The following ADAMTSL3 variants were observed in gnomAD, a reference collection of about 807,000 sequenced individuals.
The protein encoded by ADAMTSL3 is ADAMTS like 3.
Under a neutral mutation model 201.7 loss-of-function variants are expected in ADAMTSL3, and 128 were observed. The observed-to-expected ratio is 0.63, with a 90% CI of 0.55 to 0.73. The LOEUF (loss-of-function observed/expected upper bound fraction) is 0.73. ADAMTSL3 is among the 30% of genes least tolerant of loss of function. The pLI, the probability that ADAMTSL3 is intolerant of heterozygous loss-of-function variation, is 0.00. For synonymous variants in ADAMTSL3, 738 were observed against 748.4 expected (o/e 0.99, Z 0.23); for missense variants, 1,990 against 2,119.6 (o/e 0.94, Z 1.20).
intron 3 of ADAMTSL3, among the ~76,000 whole-genome samples, chr15:83,771,774 T>C (rs1234440642): frequency 1.3e-5 from 2 of 152,256 alleles, no homozygotes; most frequent in Admixed American, 1.3e-4. Flanking sequence ...TTCAGTTCTT[T>C]TGGATAAATA....
intron 6 of ADAMTSL3, among the ~76,000 whole-genome samples, chr15:83,825,389 T>A (rs117138192): frequency 0.031 from 4,752 of 152,214 alleles, 100 homozygotes; most frequent in Non-Finnish European, 0.049. Context: ...GACAGGAGAG[T>A]TCGTTAAGCC....
At chr15:83,743,056 C>T (rs2062481586) in intron 3 of ADAMTSL3, among the ~76,000 whole-genome samples, 1 of 152,072 alleles carries the variant, frequency 6.6e-6, no homozygotes, top group Non-Finnish European at 1.5e-5. Context: ...ATATCTAGTA[C>T]TTACATTCCT....
intron 23 of ADAMTSL3, among the ~76,000 whole-genome samples, chr15:84,012,894 C>G (rs1310737844): frequency 6.6e-6 from 1 of 152,226 alleles, no homozygotes; most frequent in East Asian, 1.9e-4. Context: ...ATTCCTTTCA[C>G]AGACGACACA....
intron 19 of ADAMTSL3, among the ~76,000 whole-genome samples, chr15:83,956,468 A>G (rs2066863413): frequency 6.6e-6 from 1 of 152,078 alleles, no homozygotes; most frequent in Admixed American, 6.5e-5. Flanking sequence ...TGGTAGTGGG[A>G]GTAGGGGGAT....
At chr15:83,738,993 A>G (rs1049988512) in intron 3 of ADAMTSL3, among the ~76,000 whole-genome samples, 70 of 151,894 alleles carry the variant, frequency 4.6e-4, no homozygotes, top group African/African-American at 1.4e-3. Flanking sequence ...GATCATTTCA[A>G]CAAAATGCAG....
At position 83,691,735 on chromosome 15, in the gene ADAMTSL3, C is replaced by G. The variant is rs556012136; in HGVS notation, c.70-12654C>G. ...GTTCAAGTGATTCTCCTGCCTCAGC[C>G]TCCCGAGTAGCTGGGATTACAGGCG... On this transcript the variant is annotated intron_variant, in intron 2 of 29. Transcript: ENST00000286744. 4.5e-3 allele frequency among the ~76,000 whole-genome samples: 692 copies of G among 152,316 alleles called. 2 individuals are homozygous for G. Among genetic ancestry groups the G allele is most frequent in the Non-Finnish European group, 7.9e-3 (540 of 68,030 alleles).
intron 28 of ADAMTSL3, among the ~76,000 whole-genome samples, chr15:84,032,688 C>T (rs188397634): frequency 6.6e-6 from 1 of 152,228 alleles, no homozygotes; most frequent in East Asian, 1.9e-4. Context: ...TAATTTTGTA[C>T]TTAATACTCT....
At chr15:83,724,914 A>G (rs2062151317) in intron 3 of ADAMTSL3, among the ~76,000 whole-genome samples, 1 of 151,998 alleles carries the variant, frequency 6.6e-6, no homozygotes, top group African/African-American at 2.4e-5. Flanking sequence ...AGAGTACTCC[A>G]TTGTGTATAT....
intron 23 of ADAMTSL3, among the ~76,000 whole-genome samples, chr15:83,995,048 C>CT (rs1452486280): frequency 1.1e-4 from 17 of 152,098 alleles, no homozygotes; most frequent in Non-Finnish European, 2.4e-4. Context: ...ACATATGTGA[C>CT]TTATTAGAGT....
rs190817634 is a variant in ADAMTSL3, at chr15:83,772,515, C to A, written c.190-1008C>A. Among the ~76,000 whole-genome samples, 729 of 152,232 alleles carry A rather than the reference C, an allele frequency of 4.8e-3. 2 individuals are homozygous for A. The highest frequency in any genetic ancestry group is 5.3e-3 in the Non-Finnish European group (361 of 68,022). On this transcript the variant is annotated intron_variant, in intron 3 of 29. Coordinates refer to ENST00000286744, the MANE Select transcript of ADAMTSL3 (RefSeq NM_207517.3). Reference sequence around the variant, plus strand: ...GAGACCAATTAAACCAAACTGTACTCATAATTGACTCTTCCCTATTTTCTT... The same window carrying A: ...GAGACCAATTAAACCAAACTGTACTAATAATTGACTCTTCCCTATTTTCTT...
chr15:84,005,156 T>A (rs2067871535), intron 23 of ADAMTSL3, among the ~76,000 whole-genome samples: 1 of 152,196 alleles, frequency 6.6e-6, no homozygotes, highest in Non-Finnish European at 1.5e-5. Flanking sequence ...GGCCTTGAGA[T>A]GTCACCCCAA....
intron 7 of ADAMTSL3, among the ~76,000 whole-genome samples, chr15:83,843,243 C>CT (rs142148204): frequency 0.041 from 5,898 of 143,476 alleles, 330 homozygotes; most frequent in African/African-American, 0.14. Context: ...CTAAAATGTC[C>CT]TTTTTTTTAA....
rs186082085 is a variant in ADAMTSL3, at chr15:83,784,548, G to A, written c.317+10898G>A. ...ATCATTTCAATGGGAATTTGTAAGGGGGAAGTTCAATATATACGCTCAGAT... is the reference window on the plus strand; with the variant it reads ...ATCATTTCAATGGGAATTTGTAAGGAGGAAGTTCAATATATACGCTCAGAT... On this transcript the variant is annotated intron_variant, in intron 4 of 29. Transcript: ENST00000286744. Among the ~76,000 whole-genome samples, 549 of 152,114 alleles carry A rather than the reference G, an allele frequency of 3.6e-3. 2 individuals carry two copies. Among genetic ancestry groups the A allele is most frequent in the Middle Eastern group, 0.031 (9 of 294 alleles).
chr15:83,848,040 T>G (rs974862516), intron 7 of ADAMTSL3, among the ~76,000 whole-genome samples: 3 of 151,882 alleles, frequency 2.0e-5, no homozygotes, highest in Non-Finnish European at 1.5e-5. Flanking sequence ...GCCTTGGGAA[T>G]GGTGTGTGTG....
intron 2 of ADAMTSL3, among the ~76,000 whole-genome samples, chr15:83,699,411 G>T (rs2562776): frequency 6.6e-6 from 1 of 152,016 alleles, no homozygotes; most frequent in Non-Finnish European, 1.5e-5. Flanking sequence ...CTCCCTCATC[G>T]GAAAGCTTTG....
chr15:83,841,421 A>G (rs929754096), intron 7 of ADAMTSL3, among the ~76,000 whole-genome samples: 2 of 152,216 alleles, frequency 1.3e-5, no homozygotes, highest in Non-Finnish European at 2.9e-5. Context: ...TCTGTTGCTT[A>G]TGAGCTGTGC....
At chr15:83,762,765 CT>C (rs1241484526) in intron 3 of ADAMTSL3, among the ~76,000 whole-genome samples, 4 of 152,098 alleles carry the variant, frequency 2.6e-5, no homozygotes, top group Non-Finnish European at 5.9e-5. Flanking sequence ...ACCAAATGCC[CT>C]TTGTTTTATT....
chr15:83,888,187 G>A (rs902083361), intron 10 of ADAMTSL3, among the ~76,000 whole-genome samples: 30 of 152,198 alleles, frequency 2.0e-4, no homozygotes, highest in Non-Finnish European at 7.3e-5. Context: ...GGAGATTTTA[G>A]GCTGCTTTTG....
intron 2 of ADAMTSL3, 145 bp from the exon 3 acceptor site, chr15:83,704,244 G>T (rs182597660): frequency 8.0e-7 from 1 of 1,251,366 alleles, no homozygotes; most frequent in Admixed American, 2.0e-5. Flanking sequence ...CCTCACCCTG[G>T]TCTTTGCCAA....
Sources: gnomAD v4.1 joint callset for allele counts (sites outside exome capture counted in the v4.1 genomes callset) on GRCh38, gnomAD v4.1.1 for gene constraint, MANE v1.5 for transcripts, NCBI Gene and HGNC (gene_info 2026-07-23, HGNC 2026-07-21) for gene names.